The following COQ8A variants were observed in gnomAD, a reference collection of about 807,000 sequenced individuals.
The protein encoded by COQ8A is atypical kinase COQ8A, mitochondrial.
COQ8A carries 51 observed loss-of-function variants against 65.0 expected under a neutral mutation model. The observed-to-expected ratio is 0.78, with a 90% CI of 0.63 to 0.99. The LOEUF (loss-of-function observed/expected upper bound fraction) is 0.99, where lower values mean the gene tolerates loss of function less well. COQ8A is among the 50% of genes least tolerant of loss of function. COQ8A has a pLI of 0.00. For missense variants in COQ8A, 940 were observed against 875.0 expected (o/e 1.07, Z -0.94); for synonymous variants, 371 against 353.2 (o/e 1.05, Z -0.57).
intron 1 of COQ8A, among the ~76,000 whole-genome samples, chr1:226,956,263 G>C (rs1657748006): frequency 1.3e-5 from 1 of 78,682 alleles, no homozygotes; most frequent in Non-Finnish European, 2.4e-5. Context: ...CACTCTCCCT[G>C]GTTCACACTC....
intron 1 of COQ8A, among the ~76,000 whole-genome samples, chr1:226,957,658 T>C (rs1657890222): frequency 6.6e-6 from 1 of 152,122 alleles, no homozygotes; most frequent in Non-Finnish European, 1.5e-5. Flanking sequence ...GAGTGGACAG[T>C]GTGTGATAAT....
In COQ8A at chr1:226,983,769, C is replaced by T; in HGVS notation, c.1171C>T (p.Pro391Ser). The T allele has an allele frequency of 1.9e-6, 3 of 1,613,132 alleles. No homozygotes were observed. Among genetic ancestry groups the T allele is most frequent in the Non-Finnish European group, 2.5e-6 (3 of 1,179,998 alleles). The stretch of plus-strand genomic sequence containing the variant: ...CCTCCTCCCTGGCCCAGGCCTGTTC[C>T]CCGAGCACCTGATCGACGTGCTGAG... ...MSNMLPEGLF[P>S]EHLIDVLRRE... Residue 391 changes from proline (P) to serine (S), a missense_variant, in exon 10 of 15, where the codon CCC (proline) becomes TCC (serine). By Grantham distance (74) the Pro-to-Ser change is moderately conservative. Transcript: ENST00000366777.
At chr1:226,967,302 G>C (rs114988674) in intron 4 of COQ8A, among the ~76,000 whole-genome samples, 1,537 of 152,258 alleles carry the variant, frequency 0.01, 30 homozygotes, top group African/African-American at 0.034. Flanking sequence ...TTGAGGGCAG[G>C]AGCTACCCTG....
At chr1:226,951,894 G>A (rs1014087796) in intron 1 of COQ8A, among the ~76,000 whole-genome samples, 1 of 152,180 alleles carries the variant, frequency 6.6e-6, no homozygotes, top group African/African-American at 2.4e-5. Flanking sequence ...AAAAAAGCAA[G>A]CAGTAGGACT....
At chr1:226,982,379 A>G in intron 6 of COQ8A, 2 of 658,480 alleles carry the variant, frequency 3.0e-6, no homozygotes, top group South Asian at 3.9e-5. Context: ...GGTGGTCAGA[A>G]CACAGGTCAT....
At chr1:226,973,731 G>A (rs531071776) in intron 4 of COQ8A, among the ~76,000 whole-genome samples, 3 of 152,326 alleles carry the variant, frequency 2.0e-5, no homozygotes, top group African/African-American at 7.2e-5. Flanking sequence ...TGAACACTGG[G>A]GATTCAGGAA....
At chr1:226,945,878 G>C (rs1278352117) in intron 1 of COQ8A, among the ~76,000 whole-genome samples, 1 of 152,238 alleles carries the variant, frequency 6.6e-6, no homozygotes, top group Non-Finnish European at 1.5e-5. Context: ...GGATTATGAA[G>C]CTGGCTTGGA....
chr1:226,952,139 T>C (rs935661490), intron 1 of COQ8A, among the ~76,000 whole-genome samples: 1 of 152,146 alleles, frequency 6.6e-6, no homozygotes, highest in African/African-American at 2.4e-5. Context: ...GTGATTTTTT[T>C]CCCCACTGTC....
Position 226,972,808 on chromosome 1 carries a change from C to G in COQ8A, c.656-4641C>G, listed in dbSNP as rs113443254. On this transcript the variant is annotated intron_variant, in intron 4 of 14. Coordinates refer to ENST00000366777, the MANE Select transcript of COQ8A (RefSeq NM_020247.5). This position sits in a 1 kb window ranked among gnomAD's most constrained non-coding sequence, Gnocchi z 4.3. ...ATGTAAGGACATTTAAAACAAAGCA[C>G]CACTTTATACCATCACTTTATTTAT... 1.6e-5 allele frequency among the ~76,000 whole-genome samples: 2 copies of G among 126,508 alleles called. No homozygotes were observed. Among genetic ancestry groups the G allele is most frequent in the African/African-American group, 5.9e-5 (2 of 33,972 alleles). 83.0% of individuals were successfully genotyped at this position (126,508 alleles called of 152,430 possible).
chr1:226,982,794 G>A (rs1165760058), intron 7 of COQ8A, 31 bp downstream of exon 7: 7 of 1,613,180 alleles, frequency 4.3e-6, no homozygotes, highest in Non-Finnish European at 5.9e-6. Context: ...CCCACTCTCT[G>A]TGGCCTCGGC....
At position 226,985,925 on chromosome 1, in the gene COQ8A, TCTTC is replaced by T. The variant is rs144568906; in HGVS notation, c.1660-524_1660-521del. Among the ~76,000 whole-genome samples the T allele has an allele frequency of 9.5e-3, 1,451 of 152,292 alleles. 20 individuals are homozygous for T. The highest frequency in any genetic ancestry group is 0.033 in the African/African-American group (1,355 of 41,568). On this transcript the variant is annotated intron_variant, in intron 14 of 14. Transcript: ENST00000366777. The stretch of plus-strand genomic sequence containing the variant: ...CAGCGGGCAGCAGCTCTCTCCCGCC[TCTTC>T]CTTATGGCCACTCGCACTGACTCGA...
intron 1 of COQ8A, among the ~76,000 whole-genome samples, chr1:226,960,494 G>GTGCT (rs1658165736): frequency 1.7e-5 from 1 of 58,554 alleles, no homozygotes; most frequent in Non-Finnish European, 3.7e-5. Context: ...CTTGGTGGTG[G>GTGCT]TGGTGGTGCT....
intron 6 of COQ8A, 101 bp from the exon 7 acceptor site, chr1:226,982,577 G>A: frequency 1.6e-6 from 2 of 1,254,372 alleles, no homozygotes; most frequent in Non-Finnish European, 2.3e-6. Context: ...TCCTGGTGGG[G>A]AGGGTGTGGT....
chr1:226,964,034 C>T (rs1658412261), intron 2 of COQ8A, among the ~76,000 whole-genome samples: 1 of 152,176 alleles, frequency 6.6e-6, no homozygotes, highest in African/African-American at 2.4e-5. Flanking sequence ...GCCTCAGTTT[C>T]CTGTTTTTGA....
intron 4 of COQ8A, among the ~76,000 whole-genome samples, chr1:226,975,290 A>T (rs1002099310): frequency 6.6e-6 from 1 of 152,050 alleles, no homozygotes; most frequent in Non-Finnish European, 1.5e-5. Flanking sequence ...AACACAGCAG[A>T]CATCTGTACC....
intron 5 of COQ8A, among the ~76,000 whole-genome samples, 169 bp from the exon 6 acceptor site, chr1:226,981,858 A>T (rs575883051): frequency 6.6e-6 from 1 of 152,348 alleles, no homozygotes; most frequent in East Asian, 1.9e-4. Context: ...CATGTGGCTC[A>T]CACAGGCTTG....
chr1:226,985,091 T>C, intron 13 of COQ8A, 150 bp downstream of exon 13: 1 of 1,291,968 alleles, frequency 7.7e-7, no homozygotes, highest in Non-Finnish European at 1.1e-6. Flanking sequence ...CAGCAGGCAG[T>C]TAGGCTGACA....
rs531953404 is a variant in COQ8A, at chr1:226,945,659, G to A, written c.-10+5260G>A. 1.4e-4 allele frequency among the ~76,000 whole-genome samples: 21 copies of A among 152,340 alleles called. No individual in the cohort carries two copies. The East Asian group carries it at 3.9e-3, about 28-fold the overall frequency. ...CAAGGGTTGGACATTGTGCTGCCGC[G>A]ATGCCTGTTGTAGCTGCTGTTTACA... On this transcript the variant is annotated intron_variant, in intron 1 of 14. Transcript: ENST00000366777.
intron 4 of COQ8A, 93 bp downstream of exon 4, chr1:226,965,830 G>A (rs912033509): frequency 4.0e-4 from 565 of 1,411,280 alleles, no homozygotes; most frequent in Non-Finnish European, 5.0e-4. Context: ...GCAATATCCC[G>A]GGGAGGGCGT....
Sources: gnomAD v4.1 joint callset for allele counts (sites outside exome capture counted in the v4.1 genomes callset) on GRCh38, gnomAD v4.1.1 for gene constraint, Gnocchi (gnomAD v3.1) non-coding constraint, MANE v1.5 for transcripts, NCBI Gene and HGNC (gene_info 2026-07-23, HGNC 2026-07-21) for gene names.